The following STK24 variants were observed in gnomAD, a reference collection of about 807,000 sequenced individuals.
The protein encoded by STK24 is serine/threonine-protein kinase 24.
A neutral mutation model predicts 55.6 loss-of-function variants in STK24; 21 were observed. That is an observed-to-expected ratio of 0.38 (90% CI 0.27 to 0.54). STK24 has a LOEUF of 0.54. STK24 is among the 20% of genes least tolerant of loss of function. STK24 has a pLI of 0.79. For missense variants in STK24, 383 were observed against 538.4 expected (o/e 0.71, Z 2.86); for synonymous variants, 200 against 215.2 (o/e 0.93, Z 0.62).
At chr13:98,526,096 T>C (rs569049148) in intron 1 of STK24, among the ~76,000 whole-genome samples, 13 of 152,222 alleles carry the variant, frequency 8.5e-5, no homozygotes, top group South Asian at 8.3e-4. Flanking sequence ...GGGAGGAGCA[T>C]TGGCAGTATG....
chr13:98,464,524 T>A (rs1240466965), intron 6 of STK24, among the ~76,000 whole-genome samples: 60 of 149,942 alleles, frequency 4.0e-4, no homozygotes, highest in Non-Finnish European at 6.4e-4. Context: ...TTGAGACAGT[T>A]TTGCTCTTGT....
chr13:98,490,247 AAT>A (rs1418227576), intron 2 of STK24, among the ~76,000 whole-genome samples: 4 of 152,202 alleles, frequency 2.6e-5, no homozygotes. Context: ...TTCTCTCATT[AAT>A]ATGTCACTTA....
intron 1 of STK24, among the ~76,000 whole-genome samples, chr13:98,572,699 G>A (rs1464292756): frequency 6.6e-6 from 1 of 152,098 alleles, no homozygotes. Flanking sequence ...GGGAACGAGG[G>A]GGACAGGATG....
At chr13:98,460,931 C>G (rs1423034328) in intron 8 of STK24, among the ~76,000 whole-genome samples, 1 of 151,710 alleles carries the variant, frequency 6.6e-6, no homozygotes, top group Non-Finnish European at 1.5e-5. Flanking sequence ...GCCTGCAATC[C>G]CAGTTACTCA....
intron 7 of STK24, 124 bp from the exon 8 acceptor site, chr13:98,462,021 C>T: frequency 8.3e-7 from 1 of 1,199,772 alleles, no homozygotes; most frequent in Non-Finnish European, 1.2e-6. Flanking sequence ...AAGTCCCCAC[C>T]CATCACACCC....
In STK24 at chr13:98,509,695, T is replaced by C. The variant is rs543928467; in HGVS notation, c.273+9548A>G. On this transcript the variant is annotated intron_variant, in intron 2 of 10. Coordinates refer to ENST00000539966, the MANE Select transcript of STK24 (RefSeq NM_001032296.4). ...CAGCTCGCTGGCCAAGATAAGAACT[T>C]AGAGGCATCTCCTACACCCAGCAGA... 4.2e-4 allele frequency among the ~76,000 whole-genome samples: 64 copies of C among 152,310 alleles called. No homozygotes were observed. The South Asian group carries it at 8.3e-3, about 20-fold the overall frequency.
chr13:98,445,886 A>G lies in STK24; in HGVS notation c.*7287T>C. 3.5e-5 allele frequency: 18 copies of G among 521,212 alleles called. No individual in the cohort carries two copies. In the South Asian group the frequency reaches 4.2e-4, roughly 12 times the overall value. The allele number at this position is 521,212 out of a possible 1,614,324, so 32.3% of individuals were successfully genotyped here. The stretch of plus-strand genomic sequence containing the variant: ...CTTTTGGGGGGACACAGGGACCCCA[A>G]GATGCCCCACAGCAAGTGACAAGGG... On this transcript the variant is annotated 3_prime_UTR_variant, in exon 11 of 11. Transcript: ENST00000539966.
chr13:98,550,469 C>T lies in STK24; in HGVS notation c.42+26276G>A, dbSNP rs1278705684. Among the ~76,000 whole-genome samples, 3 of 152,306 alleles carry T rather than the reference C, an allele frequency of 2.0e-5. No individual in the cohort carries two copies. In the East Asian group the frequency reaches 5.8e-4, roughly 29 times the overall value. ...GCCTGCGCCTGGGAGGTAGAGGCTA[C>T]AGTGAGCCATGATCACACCACTGCA... On this transcript the variant is annotated intron_variant, in intron 1 of 10. Transcript: ENST00000539966.
intron 1 of STK24, among the ~76,000 whole-genome samples, chr13:98,536,157 AT>A (rs1896730349): frequency 6.6e-6 from 1 of 152,048 alleles, no homozygotes; most frequent in African/African-American, 2.4e-5. Flanking sequence ...GGGGGGAAAA[AT>A]GTCACTGAGT....
intron 1 of STK24, among the ~76,000 whole-genome samples, chr13:98,545,864 T>C (rs1432744062): frequency 6.6e-6 from 1 of 151,956 alleles, no homozygotes; most frequent in Non-Finnish European, 1.5e-5. Context: ...ATTCTTTCCA[T>C]AGGGAAAACC....
intron 1 of STK24, chr13:98,575,857 T>C (rs901133002): frequency 4.7e-6 from 1 of 213,970 alleles, no homozygotes; most frequent in African/African-American, 2.4e-5. Context: ...ACGGTAGCTT[T>C]GTTTTTCAAA....
intron 1 of STK24, among the ~76,000 whole-genome samples, chr13:98,532,723 T>C (rs1294831364): frequency 4.6e-5 from 7 of 152,242 alleles, no homozygotes; most frequent in Non-Finnish European, 1.0e-4. Context: ...AAAGTGTTAT[T>C]TCTAGCCTAC....
intron 3 of STK24, among the ~76,000 whole-genome samples, chr13:98,478,912 T>G (rs1491002701): frequency 3.9e-5 from 6 of 152,198 alleles, no homozygotes; most frequent in Admixed American, 3.9e-4. Flanking sequence ...TTGTTTTCCT[T>G]GTAAGGAAGG....
intron 3 of STK24, among the ~76,000 whole-genome samples, chr13:98,476,753 G>C (rs1014862057): frequency 1.3e-5 from 2 of 152,186 alleles, no homozygotes; most frequent in African/African-American, 4.8e-5. Flanking sequence ...CCATGGGTGA[G>C]CTGTGCTGCC....
At chr13:98,562,285 G>A (rs1897443610) in intron 1 of STK24, among the ~76,000 whole-genome samples, 1 of 152,076 alleles carries the variant, frequency 6.6e-6, no homozygotes, top group African/African-American at 2.4e-5. Context: ...ATATTTTTCT[G>A]GGTGAAGGTT....
intron 1 of STK24, among the ~76,000 whole-genome samples, chr13:98,572,267 G>A (rs1405138928): frequency 6.6e-6 from 1 of 152,096 alleles, no homozygotes; most frequent in African/African-American, 2.4e-5. Context: ...GTCCAATGCT[G>A]TCAGTCACCA....
rs1236724737 is a variant in STK24 at position 98,457,365 on chromosome 13, T to C, written c.1123-61A>G. On this transcript the variant is annotated intron_variant, in intron 9 of 10. Coordinates refer to ENST00000539966, the MANE Select transcript of STK24 (RefSeq NM_001032296.4). ...ACACCAGCTGCAAAACTGGGAAGCA[T>C]GCTGTTCAAGGAACAACACGGCGTG... The C allele has an allele frequency of 8.1e-6, 13 of 1,611,160 alleles. No homozygotes were observed. The East Asian group carries it at 1.8e-4, about 22-fold the overall frequency.
chr13:98,515,737 C>T (rs1430416989), intron 2 of STK24, among the ~76,000 whole-genome samples: 1 of 152,170 alleles, frequency 6.6e-6, no homozygotes. Flanking sequence ...AAAGAATGAA[C>T]CAAAACATAA....
rs1555306354 is a variant in STK24, at chr13:98,503,041, T to TTTTTTTTTTTC, written c.273+16201_273+16202insGAAAAAAAAAA. Among the ~76,000 whole-genome samples the TTTTTTTTTTTC allele has an allele frequency of 1.6e-3, 241 of 148,776 alleles. 3 individuals are homozygous for TTTTTTTTTTTC. The highest frequency in any genetic ancestry group is 5.5e-3 in the African/African-American group (216 of 39,268). On this transcript the variant is annotated intron_variant, in intron 2 of 10. Coordinates refer to ENST00000539966, the MANE Select transcript of STK24 (RefSeq NM_001032296.4). ...TTCCATGTGTTTTTTTTTTTTTTTT[T>TTTTTTTTTTTC]CAGTATGGTACAACTGACCACCAAC...
Sources: allele counts gnomAD v4.1 joint callset (sites outside exome capture counted in the v4.1 genomes callset), GRCh38; gene constraint gnomAD v4.1.1; transcripts MANE v1.5; gene names NCBI Gene and HGNC (gene_info 2026-07-23, HGNC 2026-07-21).